CCDC7: variants seen among roughly 807,000 people sequenced by gnomAD.
The protein encoded by CCDC7 is coiled-coil domain-containing protein 7.
A neutral mutation model predicts 196.9 loss-of-function variants in CCDC7; 183 were observed. That is an observed-to-expected ratio of 0.93 (90% CI 0.82 to 1.05). CCDC7 has a LOEUF of 1.05. Ranked by LOEUF, CCDC7 falls within the 50% of genes least tolerant of loss-of-function variation. CCDC7 has a pLI of 0.00. For missense variants in CCDC7, 1,540 were observed against 1,482.2 expected (o/e 1.04, Z -0.64); for synonymous variants, 525 against 484.6 (o/e 1.08, Z -1.10).
chr10:32,565,795 A>G (rs2056689972), intron 14 of CCDC7, among the ~76,000 whole-genome samples, 175 bp downstream of exon 15: 1 of 152,180 alleles, frequency 6.6e-6, no homozygotes, highest in East Asian at 1.9e-4. Context: ...AAAATTTAAT[A>G]TTCATTCTTA....
chr10:32,446,782 G>T (rs1363137707), upstream of CCDC7, among the ~76,000 whole-genome samples: 2 of 152,238 alleles, frequency 1.3e-5, no homozygotes, highest in South Asian at 4.2e-4. Flanking sequence ...TTAAATATTT[G>T]CTTGCTAATA....
At chr10:32,514,905 G>A (rs2046786998) in intron 9 of CCDC7, among the ~76,000 whole-genome samples, 1 of 152,152 alleles carries the variant, frequency 6.6e-6, no homozygotes, top group African/African-American at 2.4e-5. Context: ...GCTCACTTCA[G>A]CTGCTAACTC....
intron 13 of CCDC7, 115 bp from the exon 15 acceptor site, chr10:32,565,443 C>G: frequency 9.4e-7 from 1 of 1,059,064 alleles, no homozygotes; most frequent in Non-Finnish European, 1.3e-6. Context: ...AGTTCAATGT[C>G]TATGCTCAAT....
chr10:32,725,283 A>G lies in CCDC7; in HGVS notation c.2570-1451A>G, dbSNP rs996433348. 2.0e-4 allele frequency: 92 copies of G among 469,148 alleles called. 1 individual carries two copies. The highest frequency in any genetic ancestry group is 4.0e-4 in the African/African-American group (20 of 50,116). 29.1% of individuals were successfully genotyped at this position (469,148 alleles called of 1,614,324 possible). A position where few individuals can be genotyped will look rare whatever the true frequency, so the allele number is the denominator to read the frequency against. Reference sequence around the variant, plus strand: ...TATCCTATAATACTTTGAAACTTTTACAAAATTGCTTAGCATATACTACTA... The same window carrying G: ...TATCCTATAATACTTTGAAACTTTTGCAAAATTGCTTAGCATATACTACTA... On this transcript the variant is annotated intron_variant, in intron 25 of 41. Coordinates refer to ENST00000639629, the Ensembl canonical transcript of CCDC7.
intron 13 of CCDC7, among the ~76,000 whole-genome samples, chr10:32,563,601 A>G (rs182738012): frequency 0.012 from 1,842 of 152,326 alleles, 45 homozygotes; most frequent in African/African-American, 0.043. Flanking sequence ...AGCCATATGT[A>G]GAAAGCTGAA....
At chr10:32,453,532 CTTA>C (rs919777341) in intron 2 of CCDC7, 96 bp downstream of exon 3, 9 of 769,184 alleles carry the variant, frequency 1.2e-5, no homozygotes, top group African/African-American at 7.4e-5. Context: ...TTTTGGAGTA[CTTA>C]TTATATCCTC....
At chr10:32,600,257 C>A (rs1487228422) in intron 18 of CCDC7, among the ~76,000 whole-genome samples, 1 of 148,222 alleles carries the variant, frequency 6.7e-6, no homozygotes, top group South Asian at 2.1e-4. Flanking sequence ...TTTTATAGTT[C>A]TCCATGTAGA....
chr10:32,812,015 CCTTCATGATAAAATTCTCAACAA>C (rs1206669183), intron 30 of CCDC7, among the ~76,000 whole-genome samples: 1 of 152,016 alleles, frequency 6.6e-6, no homozygotes, highest in Non-Finnish European at 1.5e-5. Context: ...ATTCAACATT[CCTTCATGATAAAATTCTCAACAA>C]CTTAGGCATA....
chr10:32,658,275 C>T (rs1384230213), intron 20 of CCDC7, among the ~76,000 whole-genome samples: 1 of 152,148 alleles, frequency 6.6e-6, no homozygotes, highest in African/African-American at 2.4e-5. Flanking sequence ...TGAAGAAATA[C>T]CTGAGACTAG....
intron 23 of CCDC7, among the ~76,000 whole-genome samples, chr10:32,690,837 C>G (rs1275103517): frequency 6.6e-6 from 1 of 152,056 alleles, no homozygotes; most frequent in African/African-American, 2.4e-5. Context: ...ACATCTATAC[C>G]AACAATACAT....
At chr10:32,646,118 T>G (rs985260837) in intron 20 of CCDC7, among the ~76,000 whole-genome samples, 8 of 151,720 alleles carry the variant, frequency 5.3e-5, no homozygotes, top group African/African-American at 1.7e-4. Context: ...TAATGTTAGG[T>G]TGTTTATTTG....
intron 13 of CCDC7, among the ~76,000 whole-genome samples, chr10:32,549,835 A>G (rs2053169508): frequency 6.6e-6 from 1 of 152,010 alleles, no homozygotes; most frequent in South Asian, 2.1e-4. Context: ...ATAGTTTGAA[A>G]TCAGGTAGTG....
At chr10:32,570,405 C>T (rs138518814) in intron 15 of CCDC7, among the ~76,000 whole-genome samples, 49 of 152,134 alleles carry the variant, frequency 3.2e-4, no homozygotes, top group Non-Finnish European at 6.8e-4. Context: ...AGTTGAAAAT[C>T]CTTGGTTATT....
In CCDC7 at chr10:32,467,884, C is replaced by G. The variant is rs1320197112; in HGVS notation, c.511-3180C>G. Among the ~76,000 whole-genome samples, 4 of 152,266 alleles carry G rather than the reference C, an allele frequency of 2.6e-5. No homozygotes were observed. In the East Asian group the frequency reaches 7.7e-4, roughly 29 times the overall value. The stretch of plus-strand genomic sequence containing the variant: ...TGCTTTTGTCAGGTTTGTCGAAGAT[C>G]AGATAGTTGTAGGTGTGCAGCCTTA... On this transcript the variant is annotated intron_variant, in intron 5 of 41. Coordinates refer to ENST00000639629, the Ensembl canonical transcript of CCDC7.
intron 18 of CCDC7, among the ~76,000 whole-genome samples, chr10:32,619,340 A>G (rs1293128829): frequency 6.6e-6 from 1 of 152,108 alleles, no homozygotes; most frequent in African/African-American, 2.4e-5. Context: ...AAATGGTAGG[A>G]TGAGATAAAT....
At chr10:32,860,032 A>G (rs547711428) in intron 41 of CCDC7, among the ~76,000 whole-genome samples, 7 of 152,122 alleles carry the variant, frequency 4.6e-5, no homozygotes, top group Non-Finnish European at 5.9e-5. Context: ...CAAACAATAG[A>G]AAAAGAGAGA....
rs183297320 is a variant in CCDC7 at position 32,588,404 on chromosome 10, A to G, written c.1801+4100A>G. ...TGTCACATGCATTTTTTTTGCATCA[A>G]TTGAGATGAGATGATCATGTGGCTT... On this transcript the variant is annotated intron_variant, in intron 18 of 41. Coordinates refer to ENST00000639629, the Ensembl canonical transcript of CCDC7. Among the ~76,000 whole-genome samples the G allele has an allele frequency of 2.0e-3, 310 of 152,010 alleles. 2 individuals are homozygous for G. The highest frequency in any genetic ancestry group is 6.9e-3 in the African/African-American group (287 of 41,484).
At chr10:32,696,434 C>G (rs987975925) in intron 24 of CCDC7, among the ~76,000 whole-genome samples, 1 of 151,738 alleles carries the variant, frequency 6.6e-6, no homozygotes, top group African/African-American at 2.4e-5. Flanking sequence ...GCCTCCATTC[C>G]TCACTGGGGA....
At chr10:32,540,024 A>G (rs1010727495) in intron 11 of CCDC7, among the ~76,000 whole-genome samples, 8 of 151,978 alleles carry the variant, frequency 5.3e-5, no homozygotes, top group Non-Finnish European at 1.0e-4. Flanking sequence ...CTATTTGTCC[A>G]CTAGTCAAGT....
Sources: gnomAD v4.1 joint callset for allele counts (sites outside exome capture counted in the v4.1 genomes callset) on GRCh38, gnomAD v4.1.1 for gene constraint, MANE v1.5 for transcripts, NCBI Gene and HGNC (gene_info 2026-07-23, HGNC 2026-07-21) for gene names.